TTC7B: variants seen among roughly 807,000 people sequenced by gnomAD.
The protein encoded by TTC7B is tetratricopeptide repeat domain 7B, also known as tetratricopeptide repeat protein 7B.
TTC7B carries 28 observed loss-of-function variants against 106.8 expected under a neutral mutation model. The observed-to-expected ratio is 0.26, with a 90% CI of 0.19 to 0.36. The LOEUF is 0.36. Among genes scored for constraint, TTC7B ranks in the 10% least tolerant of loss-of-function variants. The pLI is 1.00. For synonymous variants in TTC7B, 405 were observed against 430.6 expected, an observed-to-expected ratio of 0.94 and a Z score of 0.74; for missense variants, 862 against 1,076.4, an observed-to-expected ratio of 0.80 and a Z score of 2.79.
chr14:90,783,706 G>A (rs1015495922), intron 2 of TTC7B, among the ~76,000 whole-genome samples: 4 of 152,140 alleles, frequency 2.6e-5, no homozygotes, highest in Non-Finnish European at 5.9e-5. Context: ...GGAGGCCGAC[G>A]CAGGCAGATC....
In TTC7B at chr14:90,531,218, G is replaced by A. The variant is rs558452813; in HGVS notation, c.*10150C>T. 1 of 152,266 alleles carries A rather than the reference G, an allele frequency of 6.6e-6. No individual in the cohort carries two copies. The highest frequency in any genetic ancestry group is 1.9e-4 in the East Asian group (1 of 5,188). 9.4% of individuals were successfully genotyped at this position (152,266 alleles called of 1,614,324 possible). ...GCAACAGGCAGCTGATACAGTGGGT[G>A]TAGGTTTTACGATCACAAAAGAAAA... On this transcript the variant is annotated 3_prime_UTR_variant, in exon 20 of 20. Coordinates refer to ENST00000328459, the MANE Select transcript of TTC7B (RefSeq NM_001010854.2).
At chr14:90,547,827 G>A (rs1179677069) in intron 19 of TTC7B, among the ~76,000 whole-genome samples, 1 of 152,080 alleles carries the variant, frequency 6.6e-6, no homozygotes, top group Non-Finnish European at 1.5e-5. Context: ...CATCCCCATG[G>A]CACTCTGCAC....
intron 1 of TTC7B, among the ~76,000 whole-genome samples, chr14:90,793,198 C>A (rs2140047728): frequency 6.6e-6 from 1 of 152,224 alleles, no homozygotes; most frequent in South Asian, 2.1e-4. Flanking sequence ...TTCCTGAGAC[C>A]TCCCCAGCCA....
chr14:90,583,687 C>T (rs1232247303), intron 18 of TTC7B, among the ~76,000 whole-genome samples: 1 of 152,058 alleles, frequency 6.6e-6, no homozygotes, highest in East Asian at 1.9e-4. Flanking sequence ...CTGTCCTGGC[C>T]GCTGGTGGCT....
chr14:90,632,597 G>A (rs1241511690), intron 15 of TTC7B, among the ~76,000 whole-genome samples: 1 of 152,196 alleles, frequency 6.6e-6, no homozygotes. Context: ...AAACTGACTT[G>A]TTCACAGCAG....
intron 17 of TTC7B, chr14:90,602,318 C>T (rs1044304682): frequency 2.3e-6 from 1 of 427,568 alleles, no homozygotes; most frequent in Non-Finnish European, 4.7e-6. Flanking sequence ...GATGGACTGT[C>T]GTCCAAATAT....
At chr14:90,783,659 G>C (rs1184657301) in intron 2 of TTC7B, among the ~76,000 whole-genome samples, 1 of 152,190 alleles carries the variant, frequency 6.6e-6, no homozygotes, top group Non-Finnish European at 1.5e-5. Context: ...TTCAACAGCT[G>C]GGTGCAGTGG....
chr14:90,595,077 T>A (rs1892149710), intron 17 of TTC7B, among the ~76,000 whole-genome samples: 1 of 152,194 alleles, frequency 6.6e-6, no homozygotes, highest in South Asian at 2.1e-4. Flanking sequence ...CTCACGCCTA[T>A]AATCCCAGCA....
At chr14:90,798,642 A>C (rs1157207924) in intron 1 of TTC7B, among the ~76,000 whole-genome samples, 2 of 129,820 alleles carry the variant, frequency 1.5e-5, no homozygotes, top group Admixed American at 1.0e-4. Context: ...CCTGGGAGGC[A>C]GAGGTTGCAA....
chr14:90,633,927 T>A (rs891443437), intron 15 of TTC7B, among the ~76,000 whole-genome samples: 6 of 151,622 alleles, frequency 4.0e-5, no homozygotes, highest in African/African-American at 1.2e-4. Flanking sequence ...CAGGCTGGAG[T>A]GCAGTGGCGC....
intron 19 of TTC7B, among the ~76,000 whole-genome samples, chr14:90,550,485 GT>G (rs1450697431): frequency 6.6e-6 from 1 of 152,148 alleles, no homozygotes; most frequent in Non-Finnish European, 1.5e-5. Flanking sequence ...ATAAATCCCT[GT>G]TCCACCCTCC....
intron 13 of TTC7B, among the ~76,000 whole-genome samples, chr14:90,650,888 C>A (rs1885688619): frequency 4.6e-5 from 7 of 152,198 alleles, no homozygotes; most frequent in Admixed American, 4.6e-4. Flanking sequence ...GATGCAGCCA[C>A]CCAACCTGGA....
At chr14:90,716,156 A>G (rs989065240) in intron 5 of TTC7B, among the ~76,000 whole-genome samples, 3 of 152,094 alleles carry the variant, frequency 2.0e-5, no homozygotes, top group African/African-American at 7.2e-5. Context: ...TACAGCCAAG[A>G]AGGAGGGTGG....
intron 13 of TTC7B, chr14:90,647,281 G>C: frequency 2.3e-6 from 1 of 435,878 alleles, no homozygotes; most frequent in South Asian, 2.5e-5. Context: ...GAAGCTTGTC[G>C]GCTTTGCGGA....
rs1310483201 is a variant in TTC7B, at chr14:90,802,174, C to T, written c.121+14001G>A. Among the ~76,000 whole-genome samples, 1 of 152,136 alleles carries T rather than the reference C, an allele frequency of 6.6e-6. No homozygotes were observed. The highest frequency in any genetic ancestry group is 1.5e-5 in the Non-Finnish European group (1 of 68,030). The stretch of plus-strand genomic sequence containing the variant: ...CACGGGCCACATCAGAGGGCAGCCT[C>T]GACGTGAGGCATCTCAGGGGACTGC... On this transcript the variant is annotated intron_variant, in intron 1 of 19. Coordinates refer to ENST00000328459, the MANE Select transcript of TTC7B (RefSeq NM_001010854.2). This position sits in a 1 kb window ranked among gnomAD's most constrained non-coding sequence, Gnocchi z 4.7.
intron 4 of TTC7B, among the ~76,000 whole-genome samples, chr14:90,730,503 A>G (rs1830008167): frequency 6.6e-6 from 1 of 152,206 alleles, no homozygotes. Context: ...GCTGAATGCC[A>G]GGATACTGAC....
chr14:90,756,686 C>T (rs112711013), intron 3 of TTC7B, among the ~76,000 whole-genome samples: 6,676 of 152,160 alleles, frequency 0.044, 192 homozygotes, highest in Non-Finnish European at 0.06. Flanking sequence ...TGAGCCACCG[C>T]GCCTGGCCGA....
In TTC7B at chr14:90,771,655, T is replaced by C. The variant is rs373883616; in HGVS notation, c.445+9083A>G. ...ACCGTGCAGCCTTTACAAACTAAGT[T>C]TTCAAAAATATTTAATGACGTGGAA... On this transcript the variant is annotated intron_variant, in intron 3 of 19. Transcript: ENST00000328459. 2.6e-5 allele frequency among the ~76,000 whole-genome samples: 4 copies of C among 151,876 alleles called. No homozygotes were observed. The South Asian group carries it at 8.3e-4, about 32-fold the overall frequency.
chr14:90,701,059 G>C (rs148879228), intron 5 of TTC7B, among the ~76,000 whole-genome samples: 3 of 152,012 alleles, frequency 2.0e-5, no homozygotes, highest in African/African-American at 7.2e-5. Flanking sequence ...TGCAGTCAGG[G>C]GCCAGGGATC....
Sources: gnomAD v4.1 joint callset for allele counts (sites outside exome capture counted in the v4.1 genomes callset) on GRCh38, gnomAD v4.1.1 for gene constraint, Gnocchi (gnomAD v3.1) non-coding constraint, MANE v1.5 for transcripts, NCBI Gene and HGNC (gene_info 2026-07-23, HGNC 2026-07-21) for gene names.